The following SLC44A1 variants were observed in gnomAD, a reference collection of about 807,000 sequenced individuals.
SLC44A1 encodes the protein choline transporter-like protein 1.
SLC44A1 carries 26 observed loss-of-function variants against 79.3 expected under a neutral mutation model. The ratio of observed to expected loss-of-function variants is 0.33; its 90% confidence interval spans 0.24 to 0.46. SLC44A1 has a LOEUF of 0.46. Ranked by LOEUF, SLC44A1 falls within the 20% of genes least tolerant of loss-of-function variation. SLC44A1 has a pLI of 1.00. For synonymous variants in SLC44A1, 263 were observed against 286.2 expected, an observed-to-expected ratio of 0.92 and a Z score of 0.82; for missense variants, 688 against 798.1, an observed-to-expected ratio of 0.86 and a Z score of 1.66.
At chr9:105,348,590 T>A (rs769054021) in intron 5 of SLC44A1, 139 bp downstream of exon 5, 3 of 543,244 alleles carry the variant, frequency 5.5e-6, no homozygotes, top group Non-Finnish European at 9.8e-6. Context: ...AATTTTAAAG[T>A]AGCAATAGAA....
chr9:105,269,535 A>T (rs1324895015), intron 1 of SLC44A1, among the ~76,000 whole-genome samples: 1 of 152,184 alleles, frequency 6.6e-6, no homozygotes, highest in East Asian at 1.9e-4. Context: ...GGAATGGCTT[A>T]CTCAGGTGCA....
chr9:105,389,696 G>T lies in SLC44A1; in HGVS notation c.*640G>T. On this transcript the variant is annotated 3_prime_UTR_variant, in exon 16 of 16. Transcript: ENST00000374720. The stretch of plus-strand genomic sequence containing the variant: ...AAGGTAACCAACTCCTCAGGTATTT[G>T]TAGTTTACCCTAACGCTTCTTTAAA... The T allele has an allele frequency of 8.0e-7, 1 of 1,253,502 alleles. No homozygotes were observed. 77.6% of individuals were successfully genotyped at this position (1,253,502 alleles called of 1,614,324 possible). A position where few individuals can be genotyped will look rare whatever the true frequency, so the allele number is the denominator to read the frequency against.
chr9:105,323,655 A>G (rs36088962), intron 3 of SLC44A1, among the ~76,000 whole-genome samples: 624 of 152,354 alleles, frequency 4.1e-3, no homozygotes, highest in Admixed American at 7.8e-3. Context: ...TTTTTAACCT[A>G]GATGGGGAAA....
intron 12 of SLC44A1, among the ~76,000 whole-genome samples, chr9:105,367,600 C>T (rs1165608481): frequency 6.6e-6 from 1 of 152,062 alleles, no homozygotes; most frequent in Non-Finnish European, 1.5e-5. Context: ...ATAGCTTATC[C>T]TCGGAGAGAT....
At chr9:105,362,148 A>G (rs1174447260) in intron 8 of SLC44A1, among the ~76,000 whole-genome samples, 2 of 152,220 alleles carry the variant, frequency 1.3e-5, no homozygotes, top group Non-Finnish European at 2.9e-5. Context: ...GTGGTTAAAT[A>G]ATTTATATGT....
intron 15 of SLC44A1, among the ~76,000 whole-genome samples, chr9:105,411,988 T>A (rs1829101053): frequency 6.6e-6 from 1 of 152,234 alleles, no homozygotes; most frequent in South Asian, 2.1e-4. Flanking sequence ...CTATTTCTCA[T>A]CAACTTTTCA....
intron 3 of SLC44A1, among the ~76,000 whole-genome samples, chr9:105,329,256 TC>T (rs1331848665): frequency 6.6e-6 from 1 of 152,186 alleles, no homozygotes; most frequent in Non-Finnish European, 1.5e-5. Flanking sequence ...CCATTTTTAT[TC>T]CCCTCTGGGG....
chr9:105,364,523 G>T, intron 9 of SLC44A1, 32 bp from the exon 10 acceptor site: 1 of 1,584,162 alleles, frequency 6.3e-7, no homozygotes, highest in Non-Finnish European at 8.6e-7. Flanking sequence ...TACTTTATGT[G>T]CTTCTTCTTT....
intron 3 of SLC44A1, among the ~76,000 whole-genome samples, chr9:105,331,905 A>G (rs1588791074): frequency 6.6e-6 from 1 of 152,258 alleles, no homozygotes; most frequent in African/African-American, 2.4e-5. Flanking sequence ...CATCTTTGGA[A>G]TAGTTATGGC....
intron 3 of SLC44A1, among the ~76,000 whole-genome samples, chr9:105,325,960 G>C (rs2089808): frequency 6.6e-6 from 1 of 151,872 alleles, no homozygotes; most frequent in African/African-American, 2.4e-5. Context: ...GAAATTTCTG[G>C]CCATTGGCCC....
At chr9:105,325,452 G>A (rs1826543379) in intron 3 of SLC44A1, among the ~76,000 whole-genome samples, 1 of 152,194 alleles carries the variant, frequency 6.6e-6, no homozygotes, top group South Asian at 2.1e-4. Context: ...TATAATTATG[G>A]AGGTTGAGAA....
intron 1 of SLC44A1, among the ~76,000 whole-genome samples, chr9:105,253,435 GAAAT>G (rs1829632890): frequency 6.6e-6 from 1 of 152,108 alleles, no homozygotes; most frequent in South Asian, 2.1e-4. Context: ...ACAGCTATAA[GAAAT>G]AAAAAAGGCT....
chr9:105,341,559 T>G (rs1827091411), intron 4 of SLC44A1, among the ~76,000 whole-genome samples: 1 of 152,166 alleles, frequency 6.6e-6, no homozygotes, highest in Non-Finnish European at 1.5e-5. Flanking sequence ...GTATCATACT[T>G]CTTGCAGTTG....
rs1219035577 is a variant in SLC44A1, at chr9:105,395,207, G to GT, written c.*6151_*6152insT. On this transcript the variant is annotated 3_prime_UTR_variant, in exon 16 of 16. Coordinates refer to ENST00000374720, the MANE Select transcript of SLC44A1 (RefSeq NM_080546.5). Reference sequence around the variant, plus strand: ...CCCCACACTCCTAGAAAAGTTTGGGGGTTTTTTTTGTTTGTTTTTGGTGTT... The same window carrying GT: ...CCCCACACTCCTAGAAAAGTTTGGGGTGTTTTTTTTGTTTGTTTTTGGTGTT... 3.5e-5 allele frequency: 34 copies of GT among 983,698 alleles called. No homozygotes were observed. Among genetic ancestry groups the GT allele is most frequent in the Admixed American group, 1.2e-4 (2 of 16,248 alleles). 60.9% of individuals were successfully genotyped at this position (983,698 alleles called of 1,614,324 possible). A position where few individuals can be genotyped will look rare whatever the true frequency, so the allele number is the denominator to read the frequency against.
chr9:105,421,468 G>A (rs538639310), intron 15 of SLC44A1, among the ~76,000 whole-genome samples: 34 of 151,984 alleles, frequency 2.2e-4, no homozygotes, highest in Non-Finnish European at 4.3e-4. Flanking sequence ...TAGAGCCACC[G>A]TCATTAAAAG....
chr9:105,345,402 A>C (rs1468401127), intron 4 of SLC44A1, among the ~76,000 whole-genome samples: 2 of 152,194 alleles, frequency 1.3e-5, no homozygotes, highest in African/African-American at 4.8e-5. Flanking sequence ...TTTTCTCCAA[A>C]GATGTTCTTT....
chr9:105,300,932 C>T (rs913221587), intron 2 of SLC44A1, among the ~76,000 whole-genome samples: 6 of 152,090 alleles, frequency 3.9e-5, no homozygotes, highest in East Asian at 1.9e-4. Context: ...TGTACCACCA[C>T]GCCCAGCTAA....
downstream of SLC44A1, among the ~76,000 whole-genome samples, chr9:105,397,627 A>G (rs1828900586): frequency 6.6e-6 from 1 of 152,018 alleles, no homozygotes. Flanking sequence ...TTGCAACTGA[A>G]CTCAATCATC....
At chr9:105,269,313 C>G (rs1011256433) in intron 1 of SLC44A1, among the ~76,000 whole-genome samples, 1 of 152,174 alleles carries the variant, frequency 6.6e-6, no homozygotes, top group African/African-American at 2.4e-5. Context: ...TTCAGATCCT[C>G]TCTTTAGACA....
Sources: gnomAD v4.1 joint callset for allele counts (sites outside exome capture counted in the v4.1 genomes callset) on GRCh38, gnomAD v4.1.1 for gene constraint, MANE v1.5 for transcripts, NCBI Gene and HGNC (gene_info 2026-07-23, HGNC 2026-07-21) for gene names.